The following U2SURP variants were observed in gnomAD, a reference collection of about 807,000 sequenced individuals.
U2SURP encodes U2 snRNP associated SURP domain containing.
In U2SURP, 9 loss-of-function variants were observed where a neutral mutation model predicts 144.9. That is an observed-to-expected ratio of 0.06 (90% CI 0.04 to 0.11). The LOEUF is 0.11. U2SURP is among the 10% of genes least tolerant of loss of function. The pLI is 1.00. For missense variants in U2SURP, 724 were observed against 1,226.7 expected (o/e 0.59, Z 6.12); for synonymous variants, 408 against 396.8 (o/e 1.03, Z -0.33).
chr3:143,012,480 C>A, intron 3 of U2SURP, 127 bp downstream of exon 3: 1 of 921,152 alleles, frequency 1.1e-6, no homozygotes, highest in Non-Finnish European at 1.5e-6. Flanking sequence ...TTGAAAATAG[C>A]ATTCTTTTTG....
At position 143,057,268 on chromosome 3, in the gene U2SURP, A is replaced by C. The variant is rs2108324442; in HGVS notation, c.*818A>C. 6.6e-6 allele frequency: 1 copy of C among 152,434 alleles called. No individual in the cohort carries two copies. The highest frequency in any genetic ancestry group is 2.1e-4 in the South Asian group (1 of 4,822). 9.4% of individuals were successfully genotyped at this position (152,434 alleles called of 1,614,324 possible). A position where few individuals can be genotyped will look rare whatever the true frequency, so the allele number is the denominator to read the frequency against. ...TGAAAGAAGTTTATTTGTAAAACAA[A>C]TTTTCTAACAAGGTTTGGCCATAGA... On this transcript the variant is annotated 3_prime_UTR_variant, in exon 28 of 28. Coordinates refer to ENST00000473835, the MANE Select transcript of U2SURP (RefSeq NM_001080415.2).
At chr3:143,029,098 T>C (rs1012457035) in intron 16 of U2SURP, among the ~76,000 whole-genome samples, 1 of 152,228 alleles carries the variant, frequency 6.6e-6, no homozygotes, top group African/African-American at 2.4e-5. Context: ...CATGGAAGTA[T>C]GTGTTGTTAT....
At chr3:143,030,287 G>C (rs933201070) in intron 16 of U2SURP, among the ~76,000 whole-genome samples, 1 of 152,210 alleles carries the variant, frequency 6.6e-6, no homozygotes, top group Non-Finnish European at 1.5e-5. Context: ...GGCTAATGCA[G>C]CTGGTGACTT....
chr3:143,048,316 AT>A (rs1934651881), intron 24 of U2SURP, among the ~76,000 whole-genome samples: 1 of 152,164 alleles, frequency 6.6e-6, no homozygotes, highest in African/African-American at 2.4e-5. Context: ...TTTTAAAATG[AT>A]TATCTTAGGA....
At chr3:143,032,618 A>G (rs539182458) in intron 16 of U2SURP, among the ~76,000 whole-genome samples, 166 bp from the exon 17 acceptor site, 2 of 152,342 alleles carry the variant, frequency 1.3e-5, no homozygotes, top group South Asian at 4.1e-4. Context: ...TCTTCAAAAA[A>G]TTGTAACAAT....
At chr3:143,036,252 G>T in intron 20 of U2SURP, 148 bp downstream of exon 20, 1 of 864,422 alleles carries the variant, frequency 1.2e-6, no homozygotes, top group Admixed American at 3.9e-5. Flanking sequence ...TTTATTGCTG[G>T]AACCCAGAAG....
rs906490542 is a variant in U2SURP at position 143,057,742 on chromosome 3, AAGT to A, written c.*1295_*1297del. The A allele has an allele frequency of 4.6e-5, 7 of 151,920 alleles. No homozygotes were observed. Among genetic ancestry groups the A allele is most frequent in the Admixed American group, 4.6e-4 (7 of 15,250 alleles). The allele number at this position is 151,920 out of a possible 1,614,324, so 9.4% of individuals were successfully genotyped here. Reference sequence around the variant, plus strand: ...TTTTTTTTTTCCTCCCTAAAAGAGAAAGTAGAAAACTATTCTAACAATGGATTA... The same window carrying A: ...TTTTTTTTTTCCTCCCTAAAAGAGAAAGAAAACTATTCTAACAATGGATTA... On this transcript the variant is annotated 3_prime_UTR_variant, in exon 28 of 28. Transcript: ENST00000473835.
chr3:143,021,603 G>A, intron 10 of U2SURP, 48 bp downstream of exon 10: 1 of 1,534,726 alleles, frequency 6.5e-7, no homozygotes, highest in South Asian at 1.2e-5. Context: ...TATGCTTTTG[G>A]AAGAAAGCTT....
At chr3:143,048,053 C>G (rs895948629) in intron 24 of U2SURP, among the ~76,000 whole-genome samples, 2 of 152,234 alleles carry the variant, frequency 1.3e-5, no homozygotes, top group East Asian at 3.8e-4. Context: ...AGTGGAGGGT[C>G]TTCTGTCTTG....
In U2SURP at chr3:143,032,939, C is replaced by A; in HGVS notation, c.1766C>A (p.Pro589His). ...TTGTCCATCTTAAAGACACCCCTTCCTAAAAAGGTATGGGAATGAATTTTA... is the reference window on the plus strand; with the variant it reads ...TTGTCCATCTTAAAGACACCCCTTCATAAAAAGGTATGGGAATGAATTTTA... ...ESLSILKTPL[P>H]KKIARLYLVS... Residue 589 changes from proline (P) to histidine (H), a missense_variant, in exon 17 of 28, where the codon CCT (proline) becomes CAT (histidine). Physicochemically the swap from Pro to His is moderately conservative, Grantham distance 77 (BLOSUM62 -2). Coordinates refer to ENST00000473835, the MANE Select transcript of U2SURP (RefSeq NM_001080415.2). 6.2e-7 allele frequency: 1 copy of A among 1,610,656 alleles called. No homozygotes were observed. Among genetic ancestry groups the A allele is most frequent in the South Asian group, 1.1e-5 (1 of 89,990 alleles).
intron 18 of U2SURP, among the ~76,000 whole-genome samples, chr3:143,033,858 T>G (rs374388343): frequency 2.0e-5 from 3 of 152,344 alleles, no homozygotes; most frequent in African/African-American, 7.2e-5. Flanking sequence ...ACCAATTTTT[T>G]GGAAAGATTT....
At chr3:143,025,845 G>A (rs771675788) in intron 13 of U2SURP, 4 of 151,920 alleles carry the variant, frequency 2.6e-5, no homozygotes, top group Non-Finnish European at 4.4e-5. Context: ...AGGTTTGTTT[G>A]AAAGCTATGA....
chr3:143,021,103 A>T (rs1936605396), intron 8 of U2SURP, among the ~76,000 whole-genome samples: 1 of 152,116 alleles, frequency 6.6e-6, no homozygotes, highest in Admixed American at 6.5e-5. Context: ...AGGCAGAAGG[A>T]TTGCTTGAAC....
At chr3:143,043,506 A>G (rs750086567) in intron 24 of U2SURP, among the ~76,000 whole-genome samples, 4 of 151,708 alleles carry the variant, frequency 2.6e-5, no homozygotes, top group Non-Finnish European at 5.9e-5. Flanking sequence ...TTTCTGTGTG[A>G]TTTTATATGT....
intron 10 of U2SURP, among the ~76,000 whole-genome samples, chr3:143,021,969 G>A (rs1936656413): frequency 6.6e-6 from 1 of 152,092 alleles, no homozygotes; most frequent in South Asian, 2.1e-4. Context: ...TATGGGGAAT[G>A]TAGTAACGGT....
At chr3:143,056,261 T>G in intron 27 of U2SURP, 51 bp from the exon 28 acceptor site, 2 of 1,537,332 alleles carry the variant, frequency 1.3e-6, no homozygotes, top group Non-Finnish European at 1.8e-6. Flanking sequence ...ATAAACAGTT[T>G]TGATCACATG....
chr3:143,021,266 C>T, intron 8 of U2SURP, 84 bp from the exon 9 acceptor site: 1 of 1,435,584 alleles, frequency 7.0e-7, no homozygotes. Flanking sequence ...CTTACTGTAA[C>T]AAACTGGGGG....
At chr3:143,012,526 C>T (rs905996997) in intron 3 of U2SURP, among the ~76,000 whole-genome samples, 173 bp downstream of exon 3, 2 of 152,062 alleles carry the variant, frequency 1.3e-5, no homozygotes, top group Non-Finnish European at 2.9e-5. Flanking sequence ...TATGTAGGGA[C>T]ATCTTTTTAG....
At chr3:143,020,483 G>A (rs1936577031) in intron 7 of U2SURP, 116 bp from the exon 8 acceptor site, 3 of 726,588 alleles carry the variant, frequency 4.1e-6, no homozygotes, top group African/African-American at 1.8e-5. Context: ...ATCAGTACCA[G>A]TATTTAATTA....
Sources: allele counts gnomAD v4.1 joint callset (sites outside exome capture counted in the v4.1 genomes callset), GRCh38; gene constraint gnomAD v4.1.1; transcripts MANE v1.5; gene names NCBI Gene and HGNC (gene_info 2026-07-23, HGNC 2026-07-21).